The following PLAC1 variants were observed in gnomAD, a reference collection of about 807,000 sequenced individuals.
PLAC1 encodes the protein placenta-specific protein 1.
For synonymous variants in PLAC1, 68 were observed against 62.1 expected, an observed-to-expected ratio of 1.09 and a Z score of -0.44; for missense variants, 136 against 163.2, an observed-to-expected ratio of 0.83 and a Z score of 0.91.
intron 2 of PLAC1, among the ~76,000 whole-genome samples, chrX:134,587,300 G>A (rs1172384481): frequency 9.0e-6 from 1 of 110,585 alleles, no homozygotes; most frequent in Non-Finnish European, 1.9e-5. Context: ...GGCCTATAAT[G>A]CCAGCACTTT....
In PLAC1 at chrX:134,707,949, G is replaced by T. The variant is rs750240976; in HGVS notation, n.174+25486C>A. Reference sequence around the variant, plus strand: ...ATGTGTATGTCACGTTAGACCTAGAGCAACCACAAAAAAAGCTACACAAAG... The same window carrying T: ...ATGTGTATGTCACGTTAGACCTAGATCAACCACAAAAAAAGCTACACAAAG... On this transcript the variant is annotated intron_variant and non_coding_transcript_variant, in intron 2 of 2. Transcript: ENST00000466797. Among the ~76,000 whole-genome samples, 239 of 111,589 alleles carry T rather than the reference G, an allele frequency of 2.1e-3. 3 individuals carry two copies. Among genetic ancestry groups the T allele is most frequent in the African/African-American group, 7.1e-3 (218 of 30,740 alleles).
chrX:134,736,466 C>T (rs932953554), intron 1 of PLAC1, among the ~76,000 whole-genome samples: 11 of 109,986 alleles, frequency 1.0e-4, no homozygotes, highest in Non-Finnish European at 1.9e-4. Context: ...GACAGAGCCC[C>T]AAACCGCCCC....
At chrX:134,575,522 C>A (rs1344822341) in intron 2 of PLAC1, among the ~76,000 whole-genome samples, 1 of 109,215 alleles carries the variant, frequency 9.2e-6, no homozygotes, top group Non-Finnish European at 1.9e-5. Context: ...GTAATCCCAG[C>A]ACTTTAGGAG....
intron 2 of PLAC1, among the ~76,000 whole-genome samples, chrX:134,707,749 AT>A (rs763069827): frequency 1.5e-4 from 17 of 111,864 alleles, no homozygotes; most frequent in East Asian, 1.1e-3. Flanking sequence ...TCTTCTATTG[AT>A]TTTTTTTTAA....
At chrX:134,737,786 G>C (rs192167459) in intron 1 of PLAC1, among the ~76,000 whole-genome samples, 7 of 112,712 alleles carry the variant, frequency 6.2e-5, no homozygotes, top group African/African-American at 1.9e-4. Context: ...TGGGGGCGCC[G>C]AAAGGAAAGT....
intron 1 of PLAC1, among the ~76,000 whole-genome samples, chrX:134,763,800 A>C (rs1363650488): frequency 1.0e-5 from 1 of 98,297 alleles, no homozygotes; most frequent in Non-Finnish European, 2.0e-5. Context: ...CAGCCTGGGC[A>C]ACAAGAAAGA....
At chrX:134,762,821 C>CAAAAAAAAAAAAAAAA (rs60721487) in intron 1 of PLAC1, among the ~76,000 whole-genome samples, 46 of 14,805 alleles carry the variant, frequency 3.1e-3, no homozygotes, top group Non-Finnish European at 6.0e-3. Flanking sequence ...GGCTCTATCT[C>CAAAAAAAAAAAAAAAA]AAAAAAAAAA....
chrX:134,585,721 T>A, intron 2 of PLAC1, among the ~76,000 whole-genome samples: 1 of 110,602 alleles, frequency 9.0e-6, no homozygotes, highest in Non-Finnish European at 1.9e-5. Context: ...GCTGCAGGAA[T>A]GGGACTATTT....
chrX:134,577,888 T>C (rs899459263), intron 2 of PLAC1, among the ~76,000 whole-genome samples: 19 of 109,573 alleles, frequency 1.7e-4, no homozygotes, highest in Non-Finnish European at 5.7e-5. Context: ...TTTATGTAGG[T>C]CTTCTCTTGA....
At chrX:134,660,260 A>G (rs2147805107), upstream of PLAC1, among the ~76,000 whole-genome samples, 1 of 110,241 alleles carries the variant, frequency 9.1e-6, no homozygotes, top group Non-Finnish European at 1.9e-5. Context: ...GCCTGCCATC[A>G]TGCCCAGCTA....
upstream of PLAC1, among the ~76,000 whole-genome samples, chrX:134,660,476 C>CA (rs1362568270): frequency 2.7e-5 from 3 of 111,044 alleles, no homozygotes; most frequent in African/African-American, 9.8e-5. Flanking sequence ...CAGGTGAATG[C>CA]AAAAAAGAAC....
At chrX:134,597,177 AT>A (rs1157913373) in intron 2 of PLAC1, among the ~76,000 whole-genome samples, 1 of 110,811 alleles carries the variant, frequency 9.0e-6, no homozygotes, top group East Asian at 2.9e-4. Flanking sequence ...TGAGACTGTT[AT>A]TTTTTTCCAG....
At chrX:134,725,578 TC>T (rs1345691443) in intron 2 of PLAC1, among the ~76,000 whole-genome samples, 1 of 112,246 alleles carries the variant, frequency 8.9e-6, no homozygotes, top group Non-Finnish European at 1.9e-5. Flanking sequence ...ACTTTGAACA[TC>T]ACTGATATAT....
intron 2 of PLAC1, among the ~76,000 whole-genome samples, chrX:134,576,395 G>C (rs760126074): frequency 3.0e-4 from 33 of 109,230 alleles, no homozygotes; most frequent in African/African-American, 9.3e-4. Flanking sequence ...AAATTAGCTA[G>C]ACATGGTGGC....
chrX:134,639,537 T>C (rs1389820254), intron 1 of PLAC1, among the ~76,000 whole-genome samples: 2 of 111,939 alleles, frequency 1.8e-5, no homozygotes, highest in East Asian at 5.6e-4. Context: ...GTCCACAGAA[T>C]TGAGGCTGTT....
intron 2 of PLAC1, among the ~76,000 whole-genome samples, chrX:134,710,195 A>C (rs2078623772): frequency 8.9e-6 from 1 of 112,293 alleles, no homozygotes; most frequent in African/African-American, 3.2e-5. Flanking sequence ...CAACTGGCAG[A>C]AGACACTGGA....
chrX:134,668,118 A>C (rs1171829251), intron 2 of PLAC1, among the ~76,000 whole-genome samples: 1 of 112,132 alleles, frequency 8.9e-6, no homozygotes, highest in African/African-American at 3.2e-5. Flanking sequence ...ATGGATAAAC[A>C]AAATGTGGTA....
rs767075109 is a variant in PLAC1 at position 134,646,274 on chromosome X, G to A, written c.-131+12054C>T. On this transcript the variant is annotated intron_variant, in intron 1 of 2. Coordinates refer to ENST00000359237, the MANE Select transcript of PLAC1 (RefSeq NM_021796.4). ...CCAGTGGTTGTAAGACTTGCTTTCC[G>A]GCAATTCTTGGGAAATTTTACTTTA... is the stretch of plus-strand genomic sequence containing the variant. Among the ~76,000 whole-genome samples the A allele has an allele frequency of 8.1e-5, 9 of 111,570 alleles. No homozygotes were observed. In the South Asian group the frequency reaches 1.1e-3, roughly 14 times the overall value.
At chrX:134,755,856 C>CTTTTTTTTTTTTTTTTTTTT (rs776901556) in intron 1 of PLAC1, among the ~76,000 whole-genome samples, 2 of 45,525 alleles carry the variant, frequency 4.4e-5, no homozygotes, top group Non-Finnish European at 3.7e-5. Context: ...CCTTTTCTTT[C>CTTTTTTTTTTTTTTTTTTTT]TTTTTTTTTT....
Sources: allele counts gnomAD v4.1 joint callset (sites outside exome capture counted in the v4.1 genomes callset), GRCh38; gene constraint gnomAD v4.1.1; transcripts MANE v1.5; gene names NCBI Gene and HGNC (gene_info 2026-07-23, HGNC 2026-07-21).